The following DUSP22 variants were observed in gnomAD, a reference collection of about 807,000 sequenced individuals.
DUSP22 encodes the protein dual specificity protein phosphatase 22.
A neutral mutation model predicts 24.5 loss-of-function variants in DUSP22; 24 were observed. That is an observed-to-expected ratio of 0.98 (90% CI 0.71 to 1.38). DUSP22 has a LOEUF of 1.38. Ranked by LOEUF, DUSP22 falls within the 40% of genes most tolerant of loss-of-function variation. DUSP22 has a pLI of 0.00. For missense variants in DUSP22, 330 were observed against 269.2 expected (o/e 1.23, Z -1.58); for synonymous variants, 160 against 106.4 (o/e 1.50, Z -3.10).
At chr6:317,954 G>A (rs2127401790) in intron 3 of DUSP22, among the ~76,000 whole-genome samples, 1 of 152,422 alleles carries the variant, frequency 6.6e-6, no homozygotes, top group South Asian at 2.1e-4. Flanking sequence ...AGTAGAGTGG[G>A]GTCAAGAGTG....
chr6:323,405 C>G (rs1255492083), intron 3 of DUSP22, among the ~76,000 whole-genome samples: 2 of 152,300 alleles, frequency 1.3e-5, no homozygotes, highest in African/African-American at 4.8e-5. Flanking sequence ...GCCTTCTTTT[C>G]CCATGGGAAA....
chr6:341,622 G>A (rs902042933), intron 4 of DUSP22, among the ~76,000 whole-genome samples: 3 of 152,302 alleles, frequency 2.0e-5, no homozygotes, highest in Non-Finnish European at 2.9e-5. Context: ...GGCTCTGAGC[G>A]GCCGCCTTGT....
intron 4 of DUSP22, 79 bp from the exon 5 acceptor site, chr6:345,775 A>G: frequency 6.5e-7 from 1 of 1,528,418 alleles, no homozygotes; most frequent in Non-Finnish European, 8.9e-7. Flanking sequence ...TTTAAGAAAG[A>G]AGCCTCAGGT....
intron 2 of DUSP22, among the ~76,000 whole-genome samples, chr6:309,783 T>C (rs1757988633): frequency 6.6e-6 from 1 of 152,284 alleles, no homozygotes; most frequent in Admixed American, 6.5e-5. Context: ...TTTGTACCAG[T>C]CCCGCCATCC....
intron 5 of DUSP22, among the ~76,000 whole-genome samples, chr6:347,551 G>A (rs1317487166): frequency 1.3e-5 from 2 of 152,298 alleles, no homozygotes; most frequent in Admixed American, 6.5e-5. Context: ...CCCACCCTGC[G>A]GACACAGTGT....
At position 336,304 on chromosome 6, in the gene DUSP22, G is replaced by C. The variant is rs1201246817; in HGVS notation, c.188+1141G>C. Among the ~76,000 whole-genome samples the C allele has an allele frequency of 3.3e-5, 5 of 152,306 alleles. No homozygotes were observed. The East Asian group carries it at 9.6e-4, about 29-fold the overall frequency. ...ACTGCATGTCACAGGGAAGTTGTAG[G>C]CTGTGGTGAAGTTTGTGAATTTGGG... On this transcript the variant is annotated intron_variant, in intron 4 of 6. Coordinates refer to ENST00000419235, the MANE Select transcript of DUSP22 (RefSeq NM_001286555.3).
intron 1 of DUSP22, among the ~76,000 whole-genome samples, chr6:298,042 C>T (rs1301003337): frequency 6.6e-6 from 1 of 152,306 alleles, no homozygotes; most frequent in East Asian, 1.9e-4. Context: ...AATGAACACT[C>T]AGCCACTGCT....
chr6:330,934 C>T (rs1003656212), intron 3 of DUSP22, among the ~76,000 whole-genome samples: 8 of 152,290 alleles, frequency 5.3e-5, no homozygotes, highest in African/African-American at 1.2e-4. Flanking sequence ...TAGTAATATA[C>T]GGTGTACACC....
rs796376065 is a variant in DUSP22, at chr6:346,012, A to G, written c.263+84A>G. On this transcript the variant is annotated intron_variant, in intron 5 of 6. Coordinates refer to ENST00000419235, the MANE Select transcript of DUSP22 (RefSeq NM_001286555.3). ...TCAAGTGTTTTTCCGTGTGTGAATA[A>G]TGGTTTCACCTCCTAATAGTTTTCT... 3.2e-4 allele frequency: 494 copies of G among 1,540,000 alleles called. No homozygotes were observed. The African/African-American group carries it at 6.0e-3, about 19-fold the overall frequency.
chr6:341,153 C>T (rs924438085), intron 4 of DUSP22, among the ~76,000 whole-genome samples: 20 of 152,416 alleles, frequency 1.3e-4, no homozygotes, highest in Admixed American at 2.6e-4. Context: ...TAGCCCCGGG[C>T]GCTGTTTGGT....
chr6:292,597 G>A (rs1400761827), intron 1 of DUSP22, 37 bp downstream of exon 1: 13 of 1,583,586 alleles, frequency 8.2e-6, no homozygotes, highest in Non-Finnish European at 1.1e-5. Context: ...GTTTGCCTCC[G>A]CTCCGACGCC....
chr6:348,407 C>T, intron 6 of DUSP22, 133 bp downstream of exon 6: 1 of 1,389,356 alleles, frequency 7.2e-7, no homozygotes, highest in Non-Finnish European at 9.8e-7. Flanking sequence ...TCCCAGGGCG[C>T]CCAGCTGCAC....
At chr6:300,366 C>T (rs985074634) in intron 1 of DUSP22, among the ~76,000 whole-genome samples, 2 of 152,298 alleles carry the variant, frequency 1.3e-5, no homozygotes, top group Non-Finnish European at 2.9e-5. Context: ...GGGTTTCATG[C>T]TGAAAGCTAC....
chr6:305,260 C>T (rs1757770020), intron 2 of DUSP22, among the ~76,000 whole-genome samples: 1 of 152,296 alleles, frequency 6.6e-6, no homozygotes, highest in African/African-American at 2.4e-5. Context: ...GCACCGCAGC[C>T]CCTTGACCAT....
intron 4 of DUSP22, among the ~76,000 whole-genome samples, chr6:340,419 G>A (rs865898986): frequency 6.6e-6 from 1 of 152,426 alleles, no homozygotes; most frequent in Middle Eastern, 3.4e-3. Flanking sequence ...GGGGGCCGTG[G>A]ACAGATTTCT....
intron 3 of DUSP22, among the ~76,000 whole-genome samples, chr6:327,491 C>T (rs553861407): frequency 1.2e-4 from 19 of 152,422 alleles, no homozygotes; most frequent in African/African-American, 3.6e-4. Context: ...TTCCTTTCTT[C>T]ATTTGGAACC....
intron 4 of DUSP22, among the ~76,000 whole-genome samples, chr6:342,821 C>G (rs1759671769): frequency 6.6e-6 from 1 of 152,310 alleles, no homozygotes; most frequent in Admixed American, 6.5e-5. Context: ...TCCATTGCTT[C>G]AACATGGACA....
chr6:341,556 A>C (rs1483406166), intron 4 of DUSP22, among the ~76,000 whole-genome samples: 10 of 152,306 alleles, frequency 6.6e-5, no homozygotes, highest in African/African-American at 2.4e-4. Flanking sequence ...TTCTAGGAAT[A>C]TCTCTCTGGC....
chr6:318,924 A>G (rs532804567), intron 3 of DUSP22, among the ~76,000 whole-genome samples: 11 of 152,406 alleles, frequency 7.2e-5, no homozygotes, highest in African/African-American at 2.4e-4. Flanking sequence ...ACTGTTAAGA[A>G]AAGGAAGCAA....
Sources: allele counts gnomAD v4.1 joint callset (sites outside exome capture counted in the v4.1 genomes callset), GRCh38; gene constraint gnomAD v4.1.1; transcripts MANE v1.5; gene names NCBI Gene and HGNC (gene_info 2026-07-23, HGNC 2026-07-21).